The following KAZN variants were observed in gnomAD, a reference collection of about 807,000 sequenced individuals.
KAZN encodes the protein kazrin.
Under a neutral mutation model 87.4 loss-of-function variants are expected in KAZN, and 40 were observed. The ratio of observed to expected loss-of-function variants is 0.46; its 90% CI spans 0.36 to 0.60. The LOEUF (loss-of-function observed/expected upper bound fraction) is 0.60. Among genes scored for constraint, KAZN ranks in the 20% least tolerant of loss-of-function variants. The probability of loss-of-function intolerance (pLI) is 0.00; values close to 1 mark genes in which losing one functional copy is unlikely to be tolerated. For synonymous variants in KAZN, 466 were observed against 458.3 expected (o/e 1.02, Z -0.22); for missense variants, 898 against 1,073.9 (o/e 0.84, Z 2.29).
At chr1:14,404,783 C>G (rs1663695217) in intron 2 of KAZN, among the ~76,000 whole-genome samples, 1 of 152,114 alleles carries the variant, frequency 6.6e-6, no homozygotes. Flanking sequence ...TGTATATATG[C>G]AAACACCAAC....
chr1:14,711,245 A>T (rs963075150), intron 1 of KAZN, among the ~76,000 whole-genome samples: 15 of 151,622 alleles, frequency 9.9e-5, no homozygotes, highest in Admixed American at 3.9e-4. Context: ...GGCAGCATGC[A>T]CCTGTAGTCC....
At chr1:13,981,089 T>TCTCTCTCTCTCTCTATATATATATATATA (rs1553181094) in intron 1 of KAZN, among the ~76,000 whole-genome samples, 3 of 63,132 alleles carry the variant, frequency 4.8e-5, no homozygotes, top group Admixed American at 1.6e-4. Context: ...AAATTACTCT[T>TCTCTCTCTCTCTCTATATATATATATATA]TATATATATA....
At chr1:14,961,655 G>A (rs543019316) in intron 2 of KAZN, among the ~76,000 whole-genome samples, 1 of 152,290 alleles carries the variant, frequency 6.6e-6, no homozygotes, top group South Asian at 2.1e-4. Context: ...AGCCTTTGGG[G>A]TCTGCATTGA....
At chr1:14,791,735 G>A (rs980708042) in intron 1 of KAZN, among the ~76,000 whole-genome samples, 1 of 152,248 alleles carries the variant, frequency 6.6e-6, no homozygotes, top group African/African-American at 2.4e-5. Flanking sequence ...ACATCCTGTT[G>A]CAGAGAGCAG....
intron 1 of KAZN, among the ~76,000 whole-genome samples, chr1:14,854,756 C>T (rs1336049246): frequency 6.6e-6 from 1 of 152,138 alleles, no homozygotes; most frequent in Non-Finnish European, 1.5e-5. Flanking sequence ...GATCGAATTT[C>T]CACATGAGTT....
intron 1 of KAZN, among the ~76,000 whole-genome samples, chr1:14,871,850 G>T (rs1050948445): frequency 6.6e-6 from 1 of 152,024 alleles, no homozygotes; most frequent in Non-Finnish European, 1.5e-5. Flanking sequence ...TCAGTGTCAT[G>T]GACTCAGAGT....
chr1:14,183,218 A>G (rs1424023591), intron 2 of KAZN, among the ~76,000 whole-genome samples: 1 of 152,148 alleles, frequency 6.6e-6, no homozygotes, highest in Non-Finnish European at 1.5e-5. Flanking sequence ...ATGAAATTCC[A>G]CCTCTGAGGA....
intron 2 of KAZN, among the ~76,000 whole-genome samples, chr1:14,378,704 A>T (rs770170299): frequency 3.3e-5 from 5 of 152,214 alleles, no homozygotes; most frequent in African/African-American, 4.8e-5. Flanking sequence ...AACCAGCCCT[A>T]GCCAGAGGGG....
intron 1 of KAZN, among the ~76,000 whole-genome samples, chr1:14,664,759 T>G (rs192497991): frequency 3.2e-4 from 49 of 151,628 alleles, no homozygotes; most frequent in Non-Finnish European, 5.6e-4. Flanking sequence ...GTTCACGGTA[T>G]TCTCCTGCCT....
At chr1:14,042,104 C>T (rs866944491) in intron 1 of KAZN, among the ~76,000 whole-genome samples, 1 of 152,088 alleles carries the variant, frequency 6.6e-6, no homozygotes, top group African/African-American at 2.4e-5. Context: ...ATTGTTTTCT[C>T]TGTTCTCTCT....
chr1:15,082,920 C>T (rs901531501), intron 8 of KAZN, among the ~76,000 whole-genome samples: 5 of 152,192 alleles, frequency 3.3e-5, no homozygotes, highest in African/African-American at 1.2e-4. Flanking sequence ...GAACTCCTGA[C>T]TTCAATTGAC....
chr1:14,808,731 C>A (rs1293949035), intron 1 of KAZN, among the ~76,000 whole-genome samples: 2 of 152,060 alleles, frequency 1.3e-5, no homozygotes, highest in Non-Finnish European at 2.9e-5. Context: ...ATACTTTGGG[C>A]CACAGATAAC....
intron 2 of KAZN, among the ~76,000 whole-genome samples, chr1:14,315,122 G>A (rs896223880): frequency 4.6e-5 from 7 of 152,072 alleles, no homozygotes; most frequent in African/African-American, 1.7e-4. Flanking sequence ...GAATAATGCT[G>A]TTATAAACAT....
chr1:14,487,116 AG>A (rs1669390027), intron 2 of KAZN, among the ~76,000 whole-genome samples: 1 of 152,230 alleles, frequency 6.6e-6, no homozygotes, highest in African/African-American at 2.4e-5. Flanking sequence ...CTAAATCAAC[AG>A]GGTTGCACTT....
intron 1 of KAZN, among the ~76,000 whole-genome samples, chr1:14,043,399 G>A (rs745560539): frequency 6.6e-6 from 1 of 152,162 alleles, no homozygotes; most frequent in African/African-American, 2.4e-5. Flanking sequence ...CCGTAAACGT[G>A]GGTGTACAAA....
chr1:14,002,055 T>A (rs1207092162), intron 1 of KAZN, among the ~76,000 whole-genome samples: 1 of 152,018 alleles, frequency 6.6e-6, no homozygotes, highest in African/African-American at 2.4e-5. Context: ...ATTATCAGAG[T>A]GAACAGGCAA....
chr1:14,356,191 T>A (rs1659010690), intron 2 of KAZN, among the ~76,000 whole-genome samples: 1 of 152,184 alleles, frequency 6.6e-6, no homozygotes, highest in Non-Finnish European at 1.5e-5. Context: ...GATGACGAGC[T>A]TTTTTTCATG....
At chr1:14,507,588 T>C (rs972117594) in intron 2 of KAZN, among the ~76,000 whole-genome samples, 9 of 152,100 alleles carry the variant, frequency 5.9e-5, no homozygotes, top group African/African-American at 2.2e-4. Flanking sequence ...AGAGTGCATA[T>C]AAGATTTTGG....
chr1:15,060,389 T>A (rs1204861130), intron 6 of KAZN, 87 bp downstream of exon 6: 1 of 1,544,502 alleles, frequency 6.5e-7, no homozygotes, highest in Non-Finnish European at 8.9e-7. Flanking sequence ...CCATACTCGC[T>A]GTTTCCTCTC....
Sources: gnomAD v4.1 joint callset for allele counts (sites outside exome capture counted in the v4.1 genomes callset) on GRCh38, gnomAD v4.1.1 for gene constraint, MANE v1.5 for transcripts, NCBI Gene and HGNC (gene_info 2026-07-23, HGNC 2026-07-21) for gene names.